DPYSL5: variants seen among roughly 807,000 people sequenced by gnomAD.
The protein encoded by DPYSL5 is dihydropyrimidinase-related protein 5.
A neutral mutation model predicts 58.4 loss-of-function variants in DPYSL5; 9 were observed. The observed-to-expected ratio is 0.15, with a 90% CI of 0.09 to 0.27. The LOEUF is 0.27. DPYSL5 is among the 10% of genes least tolerant of loss of function. The probability of loss-of-function intolerance (pLI) is 1.00; values close to 1 mark genes in which losing one functional copy is unlikely to be tolerated. For missense variants in DPYSL5, 499 were observed against 770.6 expected (o/e 0.65, Z 4.17); for synonymous variants, 293 against 301.9 (o/e 0.97, Z 0.31).
intron 1 of DPYSL5, among the ~76,000 whole-genome samples, chr2:26,880,052 A>C (rs1663516845): frequency 6.6e-6 from 1 of 151,740 alleles, no homozygotes; most frequent in African/African-American, 2.4e-5. Context: ...CACCACACCC[A>C]GCTAACTTTT....
chr2:26,865,944 G>A (rs1168097650), intron 1 of DPYSL5, among the ~76,000 whole-genome samples: 3 of 152,144 alleles, frequency 2.0e-5, no homozygotes, highest in Admixed American at 2.0e-4. Flanking sequence ...CAAGGATTCT[G>A]TAACACTCAT....
chr2:26,925,824 T>G lies in DPYSL5; in HGVS notation c.420+779T>G, dbSNP rs1350304561. 6.6e-6 allele frequency among the ~76,000 whole-genome samples: 1 copy of G among 152,236 alleles called. No individual in the cohort carries two copies. The highest frequency in any genetic ancestry group is 2.4e-5 in the African/African-American group (1 of 41,458). Reference sequence around the variant, plus strand: ...GGTAGCAGTCTGGATATTCATTCTTTCATCAATTATTTATTAAGCCCCATG... The same window carrying G: ...GGTAGCAGTCTGGATATTCATTCTTGCATCAATTATTTATTAAGCCCCATG... On this transcript the variant is annotated intron_variant, in intron 3 of 12. Coordinates refer to ENST00000288699, the MANE Select transcript of DPYSL5 (RefSeq NM_020134.4). The surrounding 1 kb of genome is among the most constrained non-coding windows in gnomAD (Gnocchi z 4.5).
At chr2:26,928,472 A>G in intron 5 of DPYSL5, 149 bp downstream of exon 5, 1 of 867,480 alleles carries the variant, frequency 1.2e-6, no homozygotes, top group African/African-American at 1.7e-5. Context: ...AGGTGGGTGG[A>G]TGGCTTGAAC....
intron 8 of DPYSL5, among the ~76,000 whole-genome samples, chr2:26,936,132 C>T (rs548780261): frequency 8.5e-5 from 13 of 152,248 alleles, no homozygotes; most frequent in African/African-American, 3.1e-4. Context: ...GGTATGGAAG[C>T]CCCACTCAAC....
At chr2:26,878,175 G>A (rs1416836162) in intron 1 of DPYSL5, among the ~76,000 whole-genome samples, 1 of 152,168 alleles carries the variant, frequency 6.6e-6, no homozygotes, top group Non-Finnish European at 1.5e-5. Context: ...TTTGGACATT[G>A]TTCTGTGTGC....
At chr2:26,879,629 C>T (rs1165300028) in intron 1 of DPYSL5, among the ~76,000 whole-genome samples, 1 of 152,140 alleles carries the variant, frequency 6.6e-6, no homozygotes, top group Non-Finnish European at 1.5e-5. Flanking sequence ...GCAGTGATTT[C>T]CGTGTGTGAC....
chr2:26,941,331 G>T (rs999223545), intron 9 of DPYSL5, among the ~76,000 whole-genome samples: 1 of 152,128 alleles, frequency 6.6e-6, no homozygotes. Context: ...CTCTTGATTT[G>T]ATATATTTTG....
At chr2:26,883,083 T>C (rs1299302533) in intron 1 of DPYSL5, among the ~76,000 whole-genome samples, 1 of 152,084 alleles carries the variant, frequency 6.6e-6, no homozygotes, top group African/African-American at 2.4e-5. Context: ...TTTTTTAAAG[T>C]TTTAAATGTT....
intron 1 of DPYSL5, among the ~76,000 whole-genome samples, chr2:26,864,747 C>A (rs1666099046): frequency 6.6e-6 from 1 of 152,114 alleles, no homozygotes; most frequent in African/African-American, 2.4e-5. Flanking sequence ...TGGAGAGGGA[C>A]CTACTTGGCT....
chr2:26,854,997 T>C (rs1274599446), intron 1 of DPYSL5, among the ~76,000 whole-genome samples: 1 of 151,808 alleles, frequency 6.6e-6, no homozygotes, highest in Non-Finnish European at 1.5e-5. Context: ...TTTGTATTTT[T>C]AGTAGAGACG....
Position 26,924,716 on chromosome 2 carries a change from G to A in DPYSL5, c.262-171G>A, listed in dbSNP as rs112247689. ...CATGATGAAGGTCGCGCTGGCTCTCGCACCTCCACATGGCTCTTTACAGTT... is the reference window on the plus strand; with the variant it reads ...CATGATGAAGGTCGCGCTGGCTCTCACACCTCCACATGGCTCTTTACAGTT... On this transcript the variant is annotated intron_variant, in intron 2 of 12. Transcript: ENST00000288699. This position sits in a 1 kb window ranked among gnomAD's most constrained non-coding sequence, Gnocchi z 4.7. 1.1e-3 allele frequency among the ~76,000 whole-genome samples: 167 copies of A among 152,218 alleles called. 1 individual carries two copies. Among genetic ancestry groups the A allele is most frequent in the African/African-American group, 3.7e-3 (154 of 41,538 alleles).
At chr2:26,876,793 G>A (rs1053537740) in intron 1 of DPYSL5, among the ~76,000 whole-genome samples, 1 of 152,042 alleles carries the variant, frequency 6.6e-6, no homozygotes, top group Admixed American at 6.6e-5. Flanking sequence ...TGGTATTACA[G>A]GCGTGAGCCA....
At chr2:26,913,155 T>A (rs547184336) in intron 2 of DPYSL5, among the ~76,000 whole-genome samples, 33 of 152,340 alleles carry the variant, frequency 2.2e-4, no homozygotes, top group African/African-American at 7.7e-4. Flanking sequence ...TACATTCGCA[T>A]TGTTGTGCAA....
chr2:26,908,050 C>T (rs183571051), intron 2 of DPYSL5, among the ~76,000 whole-genome samples: 100 of 152,214 alleles, frequency 6.6e-4, no homozygotes, highest in Non-Finnish European at 1.4e-3. Flanking sequence ...CTCTGTTCCT[C>T]CATTGTCGTA....
chr2:26,864,998 T>A (rs1319847318), intron 1 of DPYSL5, among the ~76,000 whole-genome samples: 2 of 152,228 alleles, frequency 1.3e-5, no homozygotes, highest in African/African-American at 2.4e-5. Context: ...CTCGTTGCCC[T>A]GAGCCTCCAG....
At chr2:26,926,571 T>C (rs1419527280) in intron 3 of DPYSL5, among the ~76,000 whole-genome samples, 1 of 152,226 alleles carries the variant, frequency 6.6e-6, no homozygotes, top group Non-Finnish European at 1.5e-5. Flanking sequence ...CCCAGCACCA[T>C]CCCTGCTGTT....
chr2:26,943,917 T>A (rs916206754), intron 11 of DPYSL5, among the ~76,000 whole-genome samples: 1 of 152,110 alleles, frequency 6.6e-6, no homozygotes, highest in African/African-American at 2.4e-5. Flanking sequence ...TCCCTCAGAG[T>A]TGTCAGACCA....
intron 9 of DPYSL5, among the ~76,000 whole-genome samples, chr2:26,941,267 A>G (rs1230374258): frequency 6.6e-6 from 1 of 152,152 alleles, no homozygotes; most frequent in Non-Finnish European, 1.5e-5. Flanking sequence ...TATTTCCTTA[A>G]GACAGCATCC....
At chr2:26,939,228 C>T (rs577535915) in intron 8 of DPYSL5, 3 of 152,414 alleles carry the variant, frequency 2.0e-5, no homozygotes, top group African/African-American at 7.2e-5. Context: ...GCCTCCGCCT[C>T]CTGGATTCAA....
Sources: allele counts gnomAD v4.1 joint callset (sites outside exome capture counted in the v4.1 genomes callset), GRCh38; gene constraint gnomAD v4.1.1; non-coding constraint Gnocchi (gnomAD v3.1); transcripts MANE v1.5; gene names NCBI Gene and HGNC (gene_info 2026-07-23, HGNC 2026-07-21).